Variants in ATG4C observed in about 807,000 individuals in gnomAD.
The protein encoded by ATG4C is autophagy related 4C cysteine peptidase, also known as cysteine protease ATG4C.
A neutral mutation model predicts 57.6 loss-of-function variants in ATG4C; 56 were observed. The observed-to-expected ratio is 0.97, with a 90% CI of 0.78 to 1.21. ATG4C has a LOEUF of 1.21. Ranked by LOEUF, ATG4C falls within the 50% of genes most tolerant of loss-of-function variation. The pLI, the probability that ATG4C is intolerant of heterozygous loss-of-function variation, is 0.00. For synonymous variants in ATG4C, 157 were observed against 174.1 expected, an observed-to-expected ratio of 0.90 and a Z score of 0.78; for missense variants, 595 against 529.8, an observed-to-expected ratio of 1.12 and a Z score of -1.21.
At chr1:62,820,680 A>G (rs536311419) in intron 5 of ATG4C, among the ~76,000 whole-genome samples, 22 of 152,154 alleles carry the variant, frequency 1.4e-4, no homozygotes, top group Middle Eastern at 6.8e-3. Context: ...TTCAGGTCAT[A>G]TAGGTTTTTG....
intron 1 of ATG4C, among the ~76,000 whole-genome samples, chr1:62,796,207 G>GTTTTTTTTTTTTT (rs60552573): frequency 3.3e-5 from 3 of 91,162 alleles, no homozygotes; most frequent in African/African-American, 1.3e-4. Flanking sequence ...ATTTGTGTGG[G>GTTTTTTTTTTTTT]TTTTTTTTTT....
intron 10 of ATG4C, among the ~76,000 whole-genome samples, chr1:62,861,195 T>A (rs115657782): frequency 0.025 from 3,765 of 152,122 alleles, 53 homozygotes; most frequent in Middle Eastern, 0.061. Context: ...TTACCTTAAA[T>A]TTTTTTTAAA....
intron 5 of ATG4C, among the ~76,000 whole-genome samples, chr1:62,819,933 ATTATC>A (rs981108265): frequency 2.6e-5 from 4 of 152,148 alleles, no homozygotes; most frequent in African/African-American, 7.2e-5. Flanking sequence ...TTTTAAAAAA[ATTATC>A]TTATTTGTGT....
intron 10 of ATG4C, among the ~76,000 whole-genome samples, chr1:62,851,251 GT>G (rs900596780): frequency 2.0e-5 from 3 of 151,966 alleles, no homozygotes; most frequent in African/African-American, 7.2e-5. Context: ...CTCAAAATAT[GT>G]TTTGTTCAAA....
rs1274563668 is a variant in ATG4C at position 62,825,589 on chromosome 1, T to G, written c.797-3451T>G. The stretch of plus-strand genomic sequence containing the variant: ...TATACTGATTTGAATTCACCAAGTC[T>G]TGTGGCTTTATAATGCAGATAGTAA... On this transcript the variant is annotated intron_variant, in intron 6 of 10. Coordinates refer to ENST00000317868, the MANE Select transcript of ATG4C (RefSeq NM_032852.4). 2.0e-5 allele frequency among the ~76,000 whole-genome samples: 3 copies of G among 152,298 alleles called. No individual in the cohort carries two copies. The South Asian group carries it at 6.2e-4, about 32-fold the overall frequency.
intron 6 of ATG4C, among the ~76,000 whole-genome samples, chr1:62,821,789 G>T (rs1216611422): frequency 6.6e-6 from 1 of 151,964 alleles, no homozygotes; most frequent in African/African-American, 2.4e-5. Flanking sequence ...GATATCTTGG[G>T]GATGGGACTG....
chr1:62,854,929 AT>A (rs538468707), intron 10 of ATG4C, among the ~76,000 whole-genome samples: 173 of 152,222 alleles, frequency 1.1e-3, no homozygotes, highest in African/African-American at 4.0e-3. Context: ...ACGGTTTCCT[AT>A]TTTTAGACTG....
chr1:62,820,383 A>G (rs571418596), intron 5 of ATG4C, among the ~76,000 whole-genome samples: 1 of 152,210 alleles, frequency 6.6e-6, no homozygotes, highest in Non-Finnish European at 1.5e-5. Flanking sequence ...TGCAGATGGT[A>G]CAAAAACAGG....
intron 1 of ATG4C, among the ~76,000 whole-genome samples, chr1:62,792,153 T>C (rs1443589154): frequency 6.6e-6 from 1 of 151,998 alleles, no homozygotes; most frequent in Non-Finnish European, 1.5e-5. Flanking sequence ...CCCACCACCA[T>C]GCCCGGCTAA....
At chr1:62,810,085 A>G (rs566180019) in intron 3 of ATG4C, among the ~76,000 whole-genome samples, 4 of 152,346 alleles carry the variant, frequency 2.6e-5, no homozygotes, top group Admixed American at 6.5e-5. Context: ...GAAGTTCTCC[A>G]TATGTGTGGA....
At chr1:62,835,338 ATT>A in intron 9 of ATG4C, 1 of 311,886 alleles carries the variant, frequency 3.2e-6, no homozygotes, top group South Asian at 2.9e-5. Context: ...TGGGTTTCTA[ATT>A]TTTTTTGAGC....
intron 6 of ATG4C, among the ~76,000 whole-genome samples, chr1:62,825,339 A>G (rs901709305): frequency 2.0e-5 from 3 of 151,946 alleles, no homozygotes; most frequent in African/African-American, 7.2e-5. Flanking sequence ...CAGTCCTCAT[A>G]TCACACAATC....
chr1:62,846,575 C>A (rs774867198), intron 10 of ATG4C, among the ~76,000 whole-genome samples: 46 of 152,174 alleles, frequency 3.0e-4, no homozygotes, highest in Non-Finnish European at 5.7e-4. Context: ...AATTCCTGAT[C>A]TTCCTTCTGA....
At chr1:62,841,935 C>T (rs1163558987) in intron 10 of ATG4C, among the ~76,000 whole-genome samples, 1 of 152,064 alleles carries the variant, frequency 6.6e-6, no homozygotes, top group Admixed American at 6.6e-5. Context: ...CTTGTTAGTC[C>T]AAGTGCTTCT....
chr1:62,848,023 T>A (rs1302137394), intron 10 of ATG4C, among the ~76,000 whole-genome samples: 2 of 152,214 alleles, frequency 1.3e-5, no homozygotes, highest in Non-Finnish European at 2.9e-5. Flanking sequence ...GTCTGAGTAG[T>A]TAATTATGTT....
intron 6 of ATG4C, 118 bp from the exon 7 acceptor site, chr1:62,828,922 A>G: frequency 1.2e-6 from 1 of 844,188 alleles, no homozygotes; most frequent in Non-Finnish European, 1.8e-6. Flanking sequence ...ATTTCTGGTG[A>G]TGCCAGAGAT....
intron 2 of ATG4C, among the ~76,000 whole-genome samples, chr1:62,804,847 C>T (rs556352026): frequency 6.6e-6 from 1 of 152,192 alleles, no homozygotes; most frequent in East Asian, 1.9e-4. Flanking sequence ...AATTATGTAC[C>T]ATAAGAACAT....
intron 10 of ATG4C, among the ~76,000 whole-genome samples, chr1:62,862,909 A>G (rs1430353751): frequency 1.3e-5 from 2 of 152,058 alleles, no homozygotes; most frequent in Non-Finnish European, 2.9e-5. Flanking sequence ...AACAAATTGC[A>G]TTTAACTGAC....
chr1:62,864,894 G>A lies in ATG4C; in HGVS notation c.*735G>A, dbSNP rs2100375137. 1 of 151,870 alleles carries A rather than the reference G, an allele frequency of 6.6e-6. No homozygotes were observed. The highest frequency in any genetic ancestry group is 1.9e-4 in the East Asian group (1 of 5,180). The allele number at this position is 151,870 out of a possible 1,614,324, so 9.4% of individuals were successfully genotyped here. A position where few individuals can be genotyped will look rare whatever the true frequency, so the allele number is the denominator to read the frequency against. On this transcript the variant is annotated 3_prime_UTR_variant, in exon 11 of 11. Transcript: ENST00000317868. ...AGTAGTGTTTGTTTCCTATCTCAAG[G>A]GCGAAATTTTATGGGAACTCAATTT...
Sources: allele counts gnomAD v4.1 joint callset (sites outside exome capture counted in the v4.1 genomes callset), GRCh38; gene constraint gnomAD v4.1.1; transcripts MANE v1.5; gene names NCBI Gene and HGNC (gene_info 2026-07-23, HGNC 2026-07-21).